DCC: variants seen among roughly 807,000 people sequenced by gnomAD.
The protein encoded by DCC is netrin receptor DCC.
DCC carries 58 observed loss-of-function variants against 172.5 expected under a neutral mutation model. The observed-to-expected ratio is 0.34, with a 90% CI of 0.27 to 0.42. The LOEUF (loss-of-function observed/expected upper bound fraction) is 0.42, where lower values mean the gene tolerates loss of function less well. DCC is among the 10% of genes least tolerant of loss of function. The pLI is 1.00. For missense variants in DCC, 1,740 were observed against 1,791.0 expected (o/e 0.97, Z 0.51); for synonymous variants, 709 against 644.5 (o/e 1.10, Z -1.52).
rs188914196 is a variant in DCC at position 53,310,899 on chromosome 18, A to G, written c.2053+5180A>G. Among the ~76,000 whole-genome samples the G allele has an allele frequency of 8.5e-5, 13 of 152,050 alleles. No homozygotes were observed. In the East Asian group the frequency reaches 2.5e-3, roughly 30 times the overall value. On this transcript the variant is annotated intron_variant, in intron 13 of 28. Coordinates refer to ENST00000442544, the MANE Select transcript of DCC (RefSeq NM_005215.4). ...GGATAGAAACCTGCAGAGATAATCA[A>G]CTTTCAACAACTGAATTTTTTACAG...
chr18:52,825,482 C>CT (rs2038493893), intron 2 of DCC, among the ~76,000 whole-genome samples: 1 of 151,980 alleles, frequency 6.6e-6, no homozygotes. Context: ...TTTTGTTTGC[C>CT]TTTTTTGTTA....
chr18:53,169,869 A>G (rs2054986236), intron 8 of DCC, among the ~76,000 whole-genome samples: 1 of 152,156 alleles, frequency 6.6e-6, no homozygotes, highest in Non-Finnish European at 1.5e-5. Context: ...CAGAGAGGAA[A>G]TCCTTAATTA....
At chr18:53,275,942 G>C (rs1431600345) in intron 12 of DCC, among the ~76,000 whole-genome samples, 7 of 151,806 alleles carry the variant, frequency 4.6e-5, no homozygotes, top group African/African-American at 1.7e-4. Context: ...CAGGCCATTA[G>C]TAAAATATAA....
chr18:53,396,555 G>C (rs2145022151), intron 17 of DCC, among the ~76,000 whole-genome samples: 1 of 152,224 alleles, frequency 6.6e-6, no homozygotes, highest in East Asian at 1.9e-4. Flanking sequence ...TTGATCAATT[G>C]CTCCAGTTAC....
chr18:52,775,563 T>C lies in DCC; in HGVS notation c.412+23189T>C, dbSNP rs549735890. Among the ~76,000 whole-genome samples, 4 of 152,240 alleles carry C rather than the reference T, an allele frequency of 2.6e-5. No homozygotes were observed. In the South Asian group the frequency reaches 8.3e-4, roughly 32 times the overall value. On this transcript the variant is annotated intron_variant, in intron 2 of 28. Coordinates refer to ENST00000442544, the MANE Select transcript of DCC (RefSeq NM_005215.4). ...GAAGGGAGATGGTTTTCCCCCAGAG[T>C]TGGGCTGCTGGGTGGCCCCAGCTTT...
intron 15 of DCC, among the ~76,000 whole-genome samples, chr18:53,356,313 C>A (rs1235242272): frequency 6.6e-6 from 1 of 152,084 alleles, no homozygotes; most frequent in East Asian, 1.9e-4. Context: ...TTATCTGTCT[C>A]ATTTCCAGGT....
At chr18:52,574,175 A>G (rs535821002) in intron 1 of DCC, among the ~76,000 whole-genome samples, 190 of 152,320 alleles carry the variant, frequency 1.2e-3, no homozygotes, top group Non-Finnish European at 1.9e-3. Context: ...TAAAAATGTA[A>G]AAGTATATTG....
intron 2 of DCC, among the ~76,000 whole-genome samples, chr18:52,827,280 C>T (rs1330862996): frequency 6.6e-6 from 1 of 152,168 alleles, no homozygotes; most frequent in East Asian, 1.9e-4. Context: ...AATTGATAAG[C>T]AGAGTTTCCT....
At chr18:53,289,363 A>G (rs1402993646) in intron 12 of DCC, among the ~76,000 whole-genome samples, 1 of 152,180 alleles carries the variant, frequency 6.6e-6, no homozygotes, top group Non-Finnish European at 1.5e-5. Context: ...TGATCAAATC[A>G]TAATCATTCT....
At chr18:53,269,134 A>G (rs2056717977) in intron 12 of DCC, among the ~76,000 whole-genome samples, 1 of 152,108 alleles carries the variant, frequency 6.6e-6, no homozygotes, top group South Asian at 2.1e-4. Context: ...GCCTGTGGGT[A>G]TATGTGCACT....
In DCC at chr18:53,432,966, A is replaced by T. The variant is rs574217716; in HGVS notation, c.3164-2178A>T. Among the ~76,000 whole-genome samples the T allele has an allele frequency of 1.6e-4, 24 of 152,238 alleles. 1 individual carries two copies. The South Asian group carries it at 4.8e-3, about 30-fold the overall frequency. On this transcript the variant is annotated intron_variant, in intron 21 of 28. Transcript: ENST00000442544. ...TGGTGCAAGAAATGTGAATCACTAT[A>T]AATCTAAACTTGCTCGTTGGTGACA...
chr18:52,541,901 ATATATATATG>A (rs2032471245), intron 1 of DCC, among the ~76,000 whole-genome samples: 1 of 137,018 alleles, frequency 7.3e-6, no homozygotes, highest in Non-Finnish European at 1.6e-5. Flanking sequence ...ATATATGTGT[ATATATATATG>A]TACACAATCC....
At chr18:52,599,980 A>G (rs1215546944) in intron 1 of DCC, among the ~76,000 whole-genome samples, 1 of 152,110 alleles carries the variant, frequency 6.6e-6, no homozygotes, top group Admixed American at 6.6e-5. Flanking sequence ...TATGGTTCCT[A>G]AAGGCCAGTA....
At chr18:53,218,459 C>A (rs1175268891) in intron 12 of DCC, among the ~76,000 whole-genome samples, 1 of 152,016 alleles carries the variant, frequency 6.6e-6, no homozygotes, top group Non-Finnish European at 1.5e-5. Context: ...CTTTACACAT[C>A]TAGATAATGA....
intron 2 of DCC, among the ~76,000 whole-genome samples, chr18:52,867,512 GT>G (rs201347877): frequency 8.0e-4 from 114 of 141,984 alleles, no homozygotes; most frequent in Middle Eastern, 3.6e-3. Context: ...CTGGTCTTGG[GT>G]TTTTTTTTTT....
chr18:53,100,714 G>A (rs2043160318), intron 7 of DCC, among the ~76,000 whole-genome samples: 1 of 152,046 alleles, frequency 6.6e-6, no homozygotes, highest in Admixed American at 6.6e-5. Flanking sequence ...GAGGTCTCGG[G>A]GATCGGATGT....
intron 5 of DCC, among the ~76,000 whole-genome samples, chr18:52,976,870 A>G (rs1488439121): frequency 1.3e-5 from 2 of 152,226 alleles, no homozygotes; most frequent in African/African-American, 2.4e-5. Context: ...AAGGGTACAC[A>G]GTTCTTCAAA....
chr18:52,427,814 T>TCC (rs1987480795), intron 1 of DCC, among the ~76,000 whole-genome samples: 2 of 115,518 alleles, frequency 1.7e-5, no homozygotes, highest in Non-Finnish European at 3.4e-5. Context: ...TTTTCTTCCT[T>TCC]TCTTCCTTCC....
chr18:52,982,690 G>A (rs2041231157), intron 5 of DCC, among the ~76,000 whole-genome samples: 1 of 152,060 alleles, frequency 6.6e-6, no homozygotes, highest in African/African-American at 2.4e-5. Context: ...ATGTCCCCAA[G>A]AGCACCAAAT....
Sources: gnomAD v4.1 joint callset for allele counts (sites outside exome capture counted in the v4.1 genomes callset) on GRCh38, gnomAD v4.1.1 for gene constraint, MANE v1.5 for transcripts, NCBI Gene and HGNC (gene_info 2026-07-23, HGNC 2026-07-21) for gene names.